The following ARHGAP35 variants were observed in gnomAD, a reference collection of about 807,000 sequenced individuals.
ARHGAP35 encodes the protein rho GTPase-activating protein 35.
Under a neutral mutation model 111.1 loss-of-function variants are expected in ARHGAP35, and 15 were observed. The observed-to-expected ratio is 0.13, with a 90% confidence interval of 0.09 to 0.21. The LOEUF is 0.21. ARHGAP35 is among the 10% of genes least tolerant of loss of function. ARHGAP35 has a pLI of 1.00. For missense variants in ARHGAP35, 1,262 were observed against 1,873.0 expected (o/e 0.67, Z 6.02); for synonymous variants, 643 against 710.3 (o/e 0.91, Z 1.51).
At chr19:46,873,636 C>CAAA (rs370925647) in intron 1 of ARHGAP35, among the ~76,000 whole-genome samples, 3 of 131,810 alleles carry the variant, frequency 2.3e-5, no homozygotes, top group African/African-American at 2.8e-5. Flanking sequence ...GACTCTTTCT[C>CAAA]AAAAAAAAAA....
chr19:46,965,779 T>G (rs2056511811), intron 3 of ARHGAP35, among the ~76,000 whole-genome samples: 1 of 152,156 alleles, frequency 6.6e-6, no homozygotes, highest in Admixed American at 6.6e-5. Flanking sequence ...ACTGCTGCAC[T>G]CGGCCTGGAT....
chr19:46,997,113 C>T (rs2056714735), intron 5 of ARHGAP35, among the ~76,000 whole-genome samples: 2 of 152,068 alleles, frequency 1.3e-5, no homozygotes, highest in South Asian at 2.1e-4. Context: ...GCTGAGATCA[C>T]GCCACTGCAC....
chr19:46,872,541 C>T (rs1599791591), intron 1 of ARHGAP35, among the ~76,000 whole-genome samples: 1 of 151,346 alleles, frequency 6.6e-6, no homozygotes, highest in South Asian at 2.1e-4. Context: ...GACTCTAGTA[C>T]CTTTGAAGGT....
Position 46,921,066 on chromosome 19 carries a change from T to G in ARHGAP35, c.2391T>G (p.Asp797Glu). 2 of 1,614,020 alleles carry G rather than the reference T, an allele frequency of 1.2e-6. No homozygotes were observed. The highest frequency in any genetic ancestry group is 1.7e-6 in the Non-Finnish European group (2 of 1,179,898). ...CLMCGDPFSA[D>E]DILFPVLQSQ... ...TGTGTGGAGATCCTTTTAGTGCAGA[T>G]GACATACTTTTTCCTGTCCTTCAGT... Residue 797 changes from aspartate (D) to glutamate (E), a missense_variant, in exon 2 of 7, where the codon GAT becomes GAG. Asp to Glu is a conservative substitution (Grantham distance 45). Coordinates refer to ENST00000672722, the MANE Select transcript of ARHGAP35 (RefSeq NM_004491.5). The surrounding 1 kb of genome is among the most constrained non-coding windows in gnomAD (Gnocchi z 4.3).
At position 46,999,711 on chromosome 19, in the gene ARHGAP35, C is replaced by G; in HGVS notation, c.4142+302C>G. On this transcript the variant is annotated intron_variant, in intron 6 of 6. Coordinates refer to ENST00000672722, the MANE Select transcript of ARHGAP35 (RefSeq NM_004491.5). This position sits in a 1 kb window ranked among gnomAD's most constrained non-coding sequence, Gnocchi z 5.4. ...TGGGGCCTCTTGTAGGCCTGTGTCC[C>G]AAAGCTGGCAGAGAGAGAAGATCTT... The G allele has an allele frequency of 2.6e-6, 1 of 378,258 alleles. No homozygotes were observed. Among genetic ancestry groups the G allele is most frequent in the Admixed American group, 4.0e-5 (1 of 24,712 alleles). 23.4% of individuals were successfully genotyped at this position (378,258 alleles called of 1,614,324 possible). A position where few individuals can be genotyped will look rare whatever the true frequency, so the allele number is the denominator to read the frequency against.
intron 1 of ARHGAP35, among the ~76,000 whole-genome samples, chr19:46,883,271 T>TG (rs915291919): frequency 1.5e-4 from 23 of 151,866 alleles, no homozygotes; most frequent in African/African-American, 5.3e-4. Context: ...ATTTTTTTTT[T>TG]TTTTTGTTAG....
At chr19:46,965,101 T>C (rs1245243269) in intron 3 of ARHGAP35, among the ~76,000 whole-genome samples, 1 of 152,050 alleles carries the variant, frequency 6.6e-6, no homozygotes. Context: ...TCACCTGAGG[T>C]CAGGAGTTTG....
chr19:46,988,255 A>C lies in ARHGAP35; in HGVS notation c.3904+189A>C. 1 of 575,292 alleles carries C rather than the reference A, an allele frequency of 1.7e-6. No homozygotes were observed. The highest frequency in any genetic ancestry group is 3.1e-6 in the Non-Finnish European group (1 of 321,360). 35.6% of individuals were successfully genotyped at this position (575,292 alleles called of 1,614,324 possible). A position where few individuals can be genotyped will look rare whatever the true frequency, so the allele number is the denominator to read the frequency against. ...GGAGGGGACCGGGTCCTGTCAGTGA[A>C]CCGAAGCACCATCCCTGCCCAAGCT... On this transcript the variant is annotated intron_variant, in intron 4 of 6. Transcript: ENST00000672722. This position sits in a 1 kb window ranked among gnomAD's most constrained non-coding sequence, Gnocchi z 5.4.
At chr19:46,957,488 C>G (rs529064411) in intron 3 of ARHGAP35, among the ~76,000 whole-genome samples, 13 of 151,902 alleles carry the variant, frequency 8.6e-5, no homozygotes, top group Non-Finnish European at 1.5e-4. Flanking sequence ...TAGTATGTGC[C>G]TGCAGTCCCA....
At chr19:46,963,767 A>G (rs1371312934) in intron 3 of ARHGAP35, among the ~76,000 whole-genome samples, 1 of 152,234 alleles carries the variant, frequency 6.6e-6, no homozygotes, top group Non-Finnish European at 1.5e-5. Flanking sequence ...TCCTCCACGT[A>G]GTATGCTTTA....
At chr19:46,896,939 T>C (rs562584658) in intron 1 of ARHGAP35, among the ~76,000 whole-genome samples, 48 of 152,240 alleles carry the variant, frequency 3.2e-4, no homozygotes, top group Non-Finnish European at 5.9e-5. Flanking sequence ...TGTCACTCAG[T>C]CTGGAGTGCA....
chr19:46,959,358 A>G (rs947693268), intron 3 of ARHGAP35, among the ~76,000 whole-genome samples: 1 of 150,890 alleles, frequency 6.6e-6, no homozygotes, highest in African/African-American at 2.4e-5. Context: ...CCTAGCCAAA[A>G]ATCTCCTTTT....
At chr19:46,973,719 G>A (rs2056564824) in intron 3 of ARHGAP35, among the ~76,000 whole-genome samples, 2 of 147,748 alleles carry the variant, frequency 1.4e-5, no homozygotes, top group Admixed American at 1.4e-4. Context: ...CAGGCACAAT[G>A]GCTTATGTCT....
chr19:46,879,328 C>T (rs1047047054), intron 1 of ARHGAP35, among the ~76,000 whole-genome samples: 2 of 151,988 alleles, frequency 1.3e-5, no homozygotes, highest in African/African-American at 2.4e-5. Flanking sequence ...GTGGCTCACA[C>T]CTATAATCCC....
intron 1 of ARHGAP35, among the ~76,000 whole-genome samples, chr19:46,882,551 G>T (rs1404952636): frequency 6.6e-6 from 1 of 152,114 alleles, no homozygotes; most frequent in Admixed American, 6.6e-5. Context: ...TGTTATATAG[G>T]TATACATGTG....
chr19:46,987,884 G>T (rs935843120), intron 3 of ARHGAP35, 105 bp from the exon 4 acceptor site: 38 of 1,039,136 alleles, frequency 3.7e-5, no homozygotes, highest in Non-Finnish European at 5.3e-5. Flanking sequence ...CTTGTGGTGG[G>T]CACCTCATGG....
At chr19:46,889,358 C>A (rs901989126) in intron 1 of ARHGAP35, among the ~76,000 whole-genome samples, 3 of 152,008 alleles carry the variant, frequency 2.0e-5, no homozygotes, top group African/African-American at 4.8e-5. Context: ...ACTCAGGAGG[C>A]TGAGGCAGGA....
intron 1 of ARHGAP35, among the ~76,000 whole-genome samples, chr19:46,867,922 A>G (rs767270617): frequency 6.6e-6 from 1 of 152,122 alleles, no homozygotes; most frequent in African/African-American, 2.4e-5. Context: ...GCTGGAGTGC[A>G]GTGGCGAGAT....
At chr19:46,942,254 T>C (rs2056351733) in intron 3 of ARHGAP35, among the ~76,000 whole-genome samples, 1 of 152,252 alleles carries the variant, frequency 6.6e-6, no homozygotes, top group Non-Finnish European at 1.5e-5. Context: ...CTTATTTCTC[T>C]GCATATACAC....
Sources: allele counts gnomAD v4.1 joint callset (sites outside exome capture counted in the v4.1 genomes callset), GRCh38; gene constraint gnomAD v4.1.1; non-coding constraint Gnocchi (gnomAD v3.1); transcripts MANE v1.5; gene names NCBI Gene and HGNC (gene_info 2026-07-23, HGNC 2026-07-21).